STX12: variants seen among roughly 807,000 people sequenced by gnomAD.
STX12 encodes syntaxin 12, also known as syntaxin-12.
In STX12, 17 loss-of-function variants were observed where a neutral mutation model predicts 42.2. The ratio of observed to expected loss-of-function variants is 0.40; its 90% CI spans 0.28 to 0.60. The LOEUF is 0.60. Ranked by LOEUF, STX12 falls within the 20% of genes least tolerant of loss-of-function variation. The pLI is 0.39. For missense variants in STX12, 297 were observed against 330.9 expected (o/e 0.90, Z 0.79); for synonymous variants, 108 against 116.7 (o/e 0.93, Z 0.48).
intron 1 of STX12, among the ~76,000 whole-genome samples, chr1:27,776,000 T>C (rs184112116): frequency 1.3e-5 from 2 of 152,174 alleles, no homozygotes; most frequent in East Asian, 3.9e-4. Context: ...GGGGCTTGGA[T>C]TTAGTTATTT....
intron 1 of STX12, among the ~76,000 whole-genome samples, chr1:27,779,370 G>A (rs1349324064): frequency 6.8e-6 from 1 of 146,330 alleles, no homozygotes; most frequent in Non-Finnish European, 1.5e-5. Context: ...GTCTCACTCT[G>A]TCGCCCAGGC....
chr1:27,800,675 C>G (rs528177443), intron 3 of STX12, among the ~76,000 whole-genome samples: 1 of 151,862 alleles, frequency 6.6e-6, no homozygotes, highest in East Asian at 1.9e-4. Context: ...TGTACCACCA[C>G]GCCCGGCTAA....
At chr1:27,777,272 T>C (rs1328053770) in intron 1 of STX12, among the ~76,000 whole-genome samples, 1 of 151,978 alleles carries the variant, frequency 6.6e-6, no homozygotes, top group Non-Finnish European at 1.5e-5. Flanking sequence ...TGAGTAGACA[T>C]GTGAATGAAA....
intron 1 of STX12, among the ~76,000 whole-genome samples, chr1:27,787,984 A>T (rs893472314): frequency 3.9e-5 from 6 of 152,206 alleles, no homozygotes; most frequent in African/African-American, 1.2e-4. Context: ...TGAACTAGTC[A>T]TTTAGCAGGC....
chr1:27,812,167 G>GA lies in STX12; in HGVS notation c.476dup (p.Glu160GlyfsTer11). The stretch of plus-strand genomic sequence containing the variant: ...AGTGTGCCTGTTTCCCTGCAGCCAT[G>GA]AGGAGTGGAACCAGATGCAGAGCCA... On this transcript the variant is annotated frameshift_variant, in exon 6 of 9. Transcript: ENST00000373943. LOFTEE classifies it high-confidence loss of function. 1 of 1,555,156 alleles carries GA rather than the reference G, an allele frequency of 6.4e-7. No homozygotes were observed. Among genetic ancestry groups the GA allele is most frequent in the Non-Finnish European group, 8.7e-7 (1 of 1,148,632 alleles).
At chr1:27,792,928 G>C (rs12079969) in intron 2 of STX12, among the ~76,000 whole-genome samples, 6,337 of 152,056 alleles carry the variant, frequency 0.042, 440 homozygotes, top group African/African-American at 0.14. Context: ...TACTCCTTTT[G>C]TATTTTTAAC....
chr1:27,773,276 G>C lies in STX12; in HGVS notation c.-32G>C. 6.9e-7 allele frequency: 1 copy of C among 1,444,968 alleles called. No homozygotes were observed. The highest frequency in any genetic ancestry group is 9.6e-7 in the Non-Finnish European group (1 of 1,041,298). The allele number at this position is 1,444,968 out of a possible 1,614,324, so 89.5% of individuals were successfully genotyped here. On this transcript the variant is annotated 5_prime_UTR_variant, in exon 1 of 9. Transcript: ENST00000373943. ...TGGCGGCTGCTTCCGGTAGGAGAGC[G>C]GTGTAGAGCGAGCAGGTCTCAGCTC...
chr1:27,794,771 C>T (rs750511691), intron 3 of STX12, among the ~76,000 whole-genome samples: 5 of 152,146 alleles, frequency 3.3e-5, no homozygotes, highest in Admixed American at 6.6e-5. Flanking sequence ...GTCACCCAGG[C>T]TGAGTGCAGT....
At chr1:27,796,206 A>G (rs2088784727) in intron 3 of STX12, among the ~76,000 whole-genome samples, 1 of 152,008 alleles carries the variant, frequency 6.6e-6, no homozygotes, top group East Asian at 1.9e-4. Flanking sequence ...TCCTCTTGTT[A>G]TGCTCTGTAT....
chr1:27,793,151 G>A (rs892577285), intron 2 of STX12, among the ~76,000 whole-genome samples: 1 of 152,244 alleles, frequency 6.6e-6, no homozygotes, highest in Non-Finnish European at 1.5e-5. Flanking sequence ...TCAGTGGACT[G>A]TGGCAGTCAA....
intron 3 of STX12, among the ~76,000 whole-genome samples, chr1:27,797,503 C>G (rs978761923): frequency 1.3e-5 from 2 of 152,162 alleles, no homozygotes; most frequent in African/African-American, 4.8e-5. Flanking sequence ...TTCATATCCT[C>G]CTAAGAGTGG....
At chr1:27,810,318 G>T (rs1224524657) in intron 5 of STX12, 29 bp downstream of exon 5, 18 of 1,588,382 alleles carry the variant, frequency 1.1e-5, no homozygotes, top group Non-Finnish European at 3.5e-6. Context: ...CAACCTGCTG[G>T]ATAGTTGAGA....
chr1:27,796,491 A>G (rs1014701695), intron 3 of STX12, among the ~76,000 whole-genome samples: 3 of 152,134 alleles, frequency 2.0e-5, no homozygotes, highest in African/African-American at 7.2e-5. Context: ...TCCCAGGCTC[A>G]AGTGATCCTC....
intron 1 of STX12, among the ~76,000 whole-genome samples, chr1:27,789,002 C>T (rs1469202872): frequency 6.6e-6 from 1 of 151,350 alleles, no homozygotes; most frequent in Non-Finnish European, 1.5e-5. Context: ...CAGAGTGAGA[C>T]TCCATCTCAA....
chr1:27,799,066 G>A lies in STX12; in HGVS notation c.289-2612G>A, dbSNP rs1410492964. Among the ~76,000 whole-genome samples the A allele has an allele frequency of 2.0e-5, 3 of 152,032 alleles. No individual in the cohort carries two copies. The East Asian group carries it at 5.8e-4, about 29-fold the overall frequency. On this transcript the variant is annotated intron_variant, in intron 3 of 8. Transcript: ENST00000373943. Reference sequence around the variant, plus strand: ...TTGCACGGTAAGGTTAGGGAATGATGTCCTCCCCGTTATTGTTATAATTTT... The same window carrying A: ...TTGCACGGTAAGGTTAGGGAATGATATCCTCCCCGTTATTGTTATAATTTT...
chr1:27,793,779 G>A (rs2088765518), intron 3 of STX12, 147 bp downstream of exon 3: 1 of 611,456 alleles, frequency 1.6e-6, no homozygotes, highest in Non-Finnish European at 2.9e-6. Flanking sequence ...ATCAAGTGGG[G>A]GATATGTGAC....
chr1:27,810,655 C>T (rs1206171844), intron 5 of STX12, among the ~76,000 whole-genome samples: 1 of 152,222 alleles, frequency 6.6e-6, no homozygotes, highest in East Asian at 1.9e-4. Flanking sequence ...GGTCTCTACT[C>T]ATTTATAAAA....
Position 27,819,653 on chromosome 1 carries a change from G to A in STX12, c.653G>A (p.Ser218Asn), listed in dbSNP as rs755731936. The A allele has an allele frequency of 6.8e-6, 11 of 1,613,510 alleles. No homozygotes were observed. The highest frequency in any genetic ancestry group is 8.5e-6 in the Non-Finnish European group (10 of 1,179,666). ...MIHDQGDLID[S>N]IEANVESSEV... ...TCCTCTGTCCTTCCTTTTGCAGATA[G>A]CATAGAAGCCAATGTGGAAAGCTCA... is the stretch of plus-strand genomic sequence containing the variant. Residue 218 changes from serine (S) to asparagine (N), a missense_variant, in exon 8 of 9, where the codon AGC (serine) becomes AAC (asparagine). Ser to Asn is a conservative substitution (Grantham distance 46). Transcript: ENST00000373943.
At chr1:27,811,687 C>CT (rs1308848036) in intron 5 of STX12, among the ~76,000 whole-genome samples, 12 of 151,962 alleles carry the variant, frequency 7.9e-5, no homozygotes, top group African/African-American at 2.9e-4. Context: ...TTTTGGAAAA[C>CT]TAGGAGATGT....
Sources: gnomAD v4.1 joint callset for allele counts (sites outside exome capture counted in the v4.1 genomes callset) on GRCh38, gnomAD v4.1.1 for gene constraint, MANE v1.5 for transcripts, NCBI Gene and HGNC (gene_info 2026-07-23, HGNC 2026-07-21) for gene names.